Variants in BANK1 observed in about 807,000 individuals in gnomAD.
BANK1 encodes the protein B-cell scaffold protein with ankyrin repeats.
BANK1 carries 95 observed loss-of-function variants against 94.5 expected under a neutral mutation model. That is an observed-to-expected ratio of 1.00 (90% confidence interval 0.85 to 1.19). The LOEUF (loss-of-function observed/expected upper bound fraction) is 1.19, where lower values mean the gene tolerates loss of function less well. Ranked by LOEUF, BANK1 falls within the 50% of genes most tolerant of loss-of-function variation. BANK1 has a pLI of 0.00. For missense variants in BANK1, 987 were observed against 932.2 expected (o/e 1.06, Z -0.77); for synonymous variants, 334 against 308.4 (o/e 1.08, Z -0.87).
At chr4:101,860,391 G>A (rs567573342) in intron 3 of BANK1, among the ~76,000 whole-genome samples, 1 of 151,358 alleles carries the variant, frequency 6.6e-6, no homozygotes, top group Admixed American at 6.6e-5. Context: ...ACATTTCTCT[G>A]GAAATGGTTG....
Position 102,021,568 on chromosome 4 carries a change from GC to G in BANK1, c.1263del (p.Ser422HisfsTer52). 1 of 1,446,380 alleles carries G rather than the reference GC, an allele frequency of 6.9e-7. No individual in the cohort carries two copies. Among genetic ancestry groups the G allele is most frequent in the Non-Finnish European group, 9.3e-7 (1 of 1,074,048 alleles). The allele number at this position is 1,446,380 out of a possible 1,614,324, so 89.6% of individuals were successfully genotyped here. ...AGAAAATGATTATGAAGAGGATATT[GC>G]CTCATTTTCCACATATATTCCTTGT... ...EQENDYEEDI[A>X]SFSTYIPSTQ... On this transcript the variant is annotated frameshift_variant, in exon 8 of 17. Transcript: ENST00000322953. LOFTEE classifies it high-confidence loss of function.
At chr4:101,999,252 T>A (rs1725980632) in intron 7 of BANK1, among the ~76,000 whole-genome samples, 1 of 152,178 alleles carries the variant, frequency 6.6e-6, no homozygotes, top group Admixed American at 6.5e-5. Flanking sequence ...TGATGAATTA[T>A]TTTGTGAAAA....
intron 7 of BANK1, among the ~76,000 whole-genome samples, chr4:101,923,766 C>G (rs928934507): frequency 6.6e-6 from 1 of 151,784 alleles, no homozygotes; most frequent in Non-Finnish European, 1.5e-5. Flanking sequence ...TAGGTAAACT[C>G]TGACTTCTTA....
chr4:102,055,642 T>G (rs1728202723), intron 11 of BANK1, among the ~76,000 whole-genome samples: 1 of 152,072 alleles, frequency 6.6e-6, no homozygotes, highest in South Asian at 2.1e-4. Context: ...CTGGATATAA[T>G]TAATACATAA....
chr4:101,911,099 AGAT>A (rs1479658326), intron 6 of BANK1, among the ~76,000 whole-genome samples: 1 of 152,206 alleles, frequency 6.6e-6, no homozygotes. Flanking sequence ...TCCACTTTAC[AGAT>A]GAGAAGTTGC....
chr4:101,880,331 T>G (rs555491150), intron 5 of BANK1, among the ~76,000 whole-genome samples: 1 of 152,016 alleles, frequency 6.6e-6, no homozygotes, highest in Non-Finnish European at 1.5e-5. Context: ...AAAAGTCCCA[T>G]TTACTGTAGC....
At chr4:101,976,094 G>A (rs1725117140) in intron 7 of BANK1, among the ~76,000 whole-genome samples, 1 of 152,096 alleles carries the variant, frequency 6.6e-6, no homozygotes, top group African/African-American at 2.4e-5. Context: ...GCGCTGAAAG[G>A]CATTTAAAGA....
intron 7 of BANK1, among the ~76,000 whole-genome samples, chr4:101,918,639 G>C (rs565484763): frequency 6.6e-6 from 1 of 151,994 alleles, no homozygotes; most frequent in South Asian, 2.1e-4. Context: ...TTGTAACAAA[G>C]ATATGCACAT....
At chr4:101,945,331 CATTT>C (rs1168275024) in intron 7 of BANK1, among the ~76,000 whole-genome samples, 1 of 151,800 alleles carries the variant, frequency 6.6e-6, no homozygotes, top group Non-Finnish European at 1.5e-5. Context: ...TATAAACTTT[CATTT>C]GTCTTTGGAG....
At chr4:102,009,058 C>A (rs184767926) in intron 7 of BANK1, among the ~76,000 whole-genome samples, 2 of 152,234 alleles carry the variant, frequency 1.3e-5, no homozygotes, top group Non-Finnish European at 2.9e-5. Flanking sequence ...CTTACTTGTG[C>A]TTTCAAATGC....
intron 2 of BANK1, among the ~76,000 whole-genome samples, chr4:101,848,353 C>G (rs903644663): frequency 2.6e-5 from 4 of 152,174 alleles, no homozygotes; most frequent in African/African-American, 7.2e-5. Flanking sequence ...TGGAGTTGCA[C>G]TCTAGTCCTG....
At chr4:101,972,015 A>C (rs185552691) in intron 7 of BANK1, among the ~76,000 whole-genome samples, 1 of 152,152 alleles carries the variant, frequency 6.6e-6, no homozygotes. Context: ...TTCTACTCCT[A>C]TGAAAAATGA....
intron 7 of BANK1, among the ~76,000 whole-genome samples, chr4:101,996,562 A>G (rs1298372811): frequency 1.3e-5 from 2 of 152,162 alleles, no homozygotes. Flanking sequence ...TTCTATGAGC[A>G]TGGAATGTTT....
At chr4:101,949,123 G>C (rs867466745) in intron 7 of BANK1, among the ~76,000 whole-genome samples, 2 of 152,056 alleles carry the variant, frequency 1.3e-5, no homozygotes, top group Admixed American at 6.6e-5. Flanking sequence ...GGCTTGTTTA[G>C]GATGGTTTCA....
At chr4:101,947,025 G>A (rs1723952465) in intron 7 of BANK1, among the ~76,000 whole-genome samples, 2 of 151,610 alleles carry the variant, frequency 1.3e-5, no homozygotes, top group Admixed American at 6.6e-5. Context: ...AGAGAAGTAA[G>A]TCATAAATGA....
At chr4:101,957,838 T>A (rs1042277482) in intron 7 of BANK1, among the ~76,000 whole-genome samples, 67 of 147,064 alleles carry the variant, frequency 4.6e-4, no homozygotes, top group African/African-American at 1.6e-3. Context: ...TGTTTTTTGT[T>A]TTTTGCTTTT....
rs569927747 is a variant in BANK1 at position 101,995,396 on chromosome 4, C to T, written c.1207-26118C>T. On this transcript the variant is annotated intron_variant, in intron 7 of 16. Coordinates refer to ENST00000322953, the MANE Select transcript of BANK1 (RefSeq NM_017935.5). The stretch of plus-strand genomic sequence containing the variant: ...ATCTTTGCTATTATAAATAGTGCTG[C>T]AATAAACATGTATGTGCATGTGTCT... Among the ~76,000 whole-genome samples the T allele has an allele frequency of 1.8e-4, 27 of 152,264 alleles. 1 individual carries two copies. In the South Asian group the frequency reaches 5.6e-3, roughly 32 times the overall value.
chr4:101,967,388 C>A (rs1488347333), intron 7 of BANK1, among the ~76,000 whole-genome samples: 2 of 152,098 alleles, frequency 1.3e-5, no homozygotes, highest in African/African-American at 4.8e-5. Context: ...ACAGTCTGTT[C>A]TGTCTCTAGA....
intron 1 of BANK1, among the ~76,000 whole-genome samples, chr4:101,807,549 A>G (rs1725598087): frequency 6.6e-6 from 1 of 152,108 alleles, no homozygotes; most frequent in Admixed American, 6.6e-5. Flanking sequence ...TCTCCTGGAG[A>G]TTGGATCCCT....
Sources: allele counts gnomAD v4.1 joint callset (sites outside exome capture counted in the v4.1 genomes callset), GRCh38; gene constraint gnomAD v4.1.1; transcripts MANE v1.5; gene names NCBI Gene and HGNC (gene_info 2026-07-23, HGNC 2026-07-21).